The following ZBTB41 variants were observed in gnomAD, a reference collection of about 807,000 sequenced individuals.
The protein encoded by ZBTB41 is zinc finger and BTB domain-containing protein 41.
A neutral mutation model predicts 87.6 loss-of-function variants in ZBTB41; 42 were observed. The ratio of observed to expected loss-of-function variants is 0.48; its 90% CI spans 0.37 to 0.62. The LOEUF (loss-of-function observed/expected upper bound fraction) is 0.62, where lower values mean the gene tolerates loss of function less well. Among genes scored for constraint, ZBTB41 ranks in the 20% least tolerant of loss-of-function variants. The pLI, the probability that ZBTB41 is intolerant of heterozygous loss-of-function variation, is 0.00. For missense variants in ZBTB41, 799 were observed against 1,078.9 expected, an observed-to-expected ratio of 0.74 and a Z score of 3.63; for synonymous variants, 364 against 364.0, an observed-to-expected ratio of 1.00 and a Z score of 0.00.
intron 5 of ZBTB41, among the ~76,000 whole-genome samples, chr1:197,181,446 C>G (rs1659745967): frequency 6.6e-6 from 1 of 152,036 alleles, no homozygotes; most frequent in Non-Finnish European, 1.5e-5. Flanking sequence ...TAATAAAAAA[C>G]TTTGGAAGAA....
intron 4 of ZBTB41, among the ~76,000 whole-genome samples, chr1:197,188,808 A>C (rs1422055856): frequency 6.6e-6 from 1 of 152,220 alleles, no homozygotes; most frequent in Non-Finnish European, 1.5e-5. Context: ...TAAGAATCTG[A>C]ATAAGAAGTC....
rs1659739941 is a variant in ZBTB41, at chr1:197,181,213, T to C, written c.1547-96A>G. ...TGCTGTAAGTTCATGCCTATCCTAT[T>C]GGTGCATATGTCATAATACACTGCA... On this transcript the variant is annotated intron_variant, in intron 5 of 10. Coordinates refer to ENST00000367405, the MANE Select transcript of ZBTB41 (RefSeq NM_194314.3). 3.6e-6 allele frequency: 4 copies of C among 1,115,200 alleles called. No individual in the cohort carries two copies. In the South Asian group the frequency reaches 5.0e-5, roughly 14 times the overall value. The allele number at this position is 1,115,200 out of a possible 1,614,324, so 69.1% of individuals were successfully genotyped here.
chr1:197,188,588 T>A, intron 4 of ZBTB41, 149 bp from the exon 5 acceptor site: 1 of 788,302 alleles, frequency 1.3e-6, no homozygotes, highest in Non-Finnish European at 1.9e-6. Context: ...ATTCTAATTG[T>A]GCAGAAAAAA....
rs530633327 is a variant in ZBTB41 at position 197,197,651 on chromosome 1, C to T, written c.1120+1703G>A. On this transcript the variant is annotated intron_variant, in intron 2 of 10. Transcript: ENST00000367405. Reference sequence around the variant, plus strand: ...CCTCTTAGTAAATCAGCACCTCAATCTTGAGCAGTATTTTCCCAAATTGTG... The same window carrying T: ...CCTCTTAGTAAATCAGCACCTCAATTTTGAGCAGTATTTTCCCAAATTGTG... Among the ~76,000 whole-genome samples, 48 of 152,046 alleles carry T rather than the reference C, an allele frequency of 3.2e-4. No homozygotes were observed. In the South Asian group the frequency reaches 3.9e-3, roughly 13 times the overall value.
Position 197,159,955 on chromosome 1 carries a change from T to C in ZBTB41, c.2134A>G (p.Thr712Ala). Residue 712 changes from threonine (T) to alanine (A), a missense_variant, in exon 11 of 11, where the codon ACA (threonine) becomes GCA (alanine). This residue lies in a region of ZBTB41 where 198 missense variants were observed against 358.4 expected (regional missense o/e 0.55). Transcript: ENST00000367405. ...TCAGAATGAATAACCAGGTGTTTTGTTAATGTTTTCTTAATTCTAAAAGAC... is the reference window on the plus strand; with the variant it reads ...TCAGAATGAATAACCAGGTGTTTTGCTAATGTTTTCTTAATTCTAAAAGAC... Reference protein sequence around the residue: ...NQSFRIKKTLTKHLVIHSDAR... With the variant: ...NQSFRIKKTLAKHLVIHSDAR... 1.2e-6 allele frequency: 2 copies of C among 1,613,748 alleles called. No homozygotes were observed. The highest frequency in any genetic ancestry group is 1.7e-6 in the Non-Finnish European group (2 of 1,179,774).
chr1:197,164,774 A>ATTAT lies in ZBTB41; in HGVS notation c.2075-4761_2075-4760insATAA, dbSNP rs1242569582. Among the ~76,000 whole-genome samples the ATTAT allele has an allele frequency of 1.5e-3, 54 of 37,088 alleles. 14 individuals are homozygous for ATTAT. The highest frequency in any genetic ancestry group is 2.5e-3 in the Non-Finnish European group (46 of 18,170). 24.3% of individuals were successfully genotyped at this position (37,088 alleles called of 152,430 possible). On this transcript the variant is annotated intron_variant, in intron 10 of 10. Coordinates refer to ENST00000367405, the MANE Select transcript of ZBTB41 (RefSeq NM_194314.3). ...TATATATTATATATAATACATATCT[A>ATTAT]ATATATTATATATAATACATATATA...
At chr1:197,161,037 G>A (rs533155773) in intron 10 of ZBTB41, among the ~76,000 whole-genome samples, 2 of 152,220 alleles carry the variant, frequency 1.3e-5, no homozygotes, top group South Asian at 4.1e-4. Context: ...CTCAGTCCTG[G>A]TCCTACAACT....
chr1:197,199,926 T>A lies in ZBTB41; in HGVS notation c.548A>T (p.His183Leu), dbSNP rs774527840. 1 of 1,612,676 alleles carries A rather than the reference T, an allele frequency of 6.2e-7. No individual in the cohort carries two copies. Among genetic ancestry groups the A allele is most frequent in the South Asian group, 1.1e-5 (1 of 90,788 alleles). The change falls in exon 2 of 11, where the codon CAT becomes CTT. Residue 183 changes from histidine (H) to leucine (L), a missense_variant. His to Leu is a moderately conservative substitution (Grantham distance 99). Coordinates refer to ENST00000367405, the MANE Select transcript of ZBTB41 (RefSeq NM_194314.3). ...LLNNENVAPF[H>L]SELTEKSSPE... ...TGATGACTTTTCAGTTAGCTCTGAA[T>A]GAAAAGGGGCAACATTTTCGTTATT...
intron 7 of ZBTB41, among the ~76,000 whole-genome samples, 151 bp downstream of exon 7, chr1:197,178,263 TAAA>T (rs199604755): frequency 1.3e-5 from 2 of 149,190 alleles, no homozygotes; most frequent in Non-Finnish European, 3.0e-5. Context: ...AAATGTTTAG[TAAA>T]AAAAAAATCT....
chr1:197,181,207 T>A lies in ZBTB41; in HGVS notation c.1547-90A>T, dbSNP rs1659739757. On this transcript the variant is annotated intron_variant, in intron 5 of 10. Coordinates refer to ENST00000367405, the MANE Select transcript of ZBTB41 (RefSeq NM_194314.3). ...TAGGTATGCTGTAAGTTCATGCCTA[T>A]CCTATTGGTGCATATGTCATAATAC... is the stretch of plus-strand genomic sequence containing the variant. 3.3e-6 allele frequency: 4 copies of A among 1,221,754 alleles called. No homozygotes were observed. The Admixed American group carries it at 1.2e-4, about 36-fold the overall frequency. The allele number at this position is 1,221,754 out of a possible 1,614,324, so 75.7% of individuals were successfully genotyped here.
Position 197,191,860 on chromosome 1 carries a change from T to C in ZBTB41, c.1160A>G (p.Lys387Arg), listed in dbSNP as rs1367915926. The change falls in exon 3 of 11, where the codon AAG becomes AGG. Residue 387 changes from lysine to arginine, a missense_variant. Lys to Arg is a conservative substitution (Grantham distance 26). This residue lies in a region of ZBTB41 where 294 missense variants were observed against 340.1 expected (regional missense o/e 0.86). Transcript: ENST00000367405. ...GTGACAAATATCACACTCAAAGGGC[T>C]TCTCACCTGTGTGAACACGGGTGTG... Reference protein sequence around the residue: ...ESHTRVHTGEKPFECDICHQR... With the variant: ...ESHTRVHTGERPFECDICHQR... The C allele has an allele frequency of 1.9e-6, 3 of 1,613,540 alleles. 1 individual carries two copies. The South Asian group carries it at 3.3e-5, about 18-fold the overall frequency.
chr1:197,165,739 G>C (rs1659327563), intron 10 of ZBTB41, among the ~76,000 whole-genome samples: 1 of 151,932 alleles, frequency 6.6e-6, no homozygotes, highest in Admixed American at 6.6e-5. Context: ...AACAACTTAG[G>C]CATCCCCATA....
At chr1:197,191,589 A>G in intron 3 of ZBTB41, 103 bp downstream of exon 3, 1 of 898,022 alleles carries the variant, frequency 1.1e-6, no homozygotes, top group Non-Finnish European at 1.6e-6. Context: ...TGAATCTCCA[A>G]TGAAAGAATT....
intron 5 of ZBTB41, among the ~76,000 whole-genome samples, chr1:197,186,292 A>G (rs1659879696): frequency 6.8e-6 from 1 of 148,050 alleles, no homozygotes; most frequent in Admixed American, 6.8e-5. Flanking sequence ...AAAAAAAAAA[A>G]TACATCTAGA....
At chr1:197,173,226 C>A (rs1174277747) in intron 9 of ZBTB41, among the ~76,000 whole-genome samples, 1 of 152,128 alleles carries the variant, frequency 6.6e-6, no homozygotes, top group African/African-American at 2.4e-5. Context: ...TTGCTCTTAA[C>A]ATATCCATTG....
chr1:197,168,945 A>G (rs1557977026), intron 10 of ZBTB41, among the ~76,000 whole-genome samples: 1 of 152,076 alleles, frequency 6.6e-6, no homozygotes, highest in Non-Finnish European at 1.5e-5. Context: ...GTATTACACA[A>G]AAGTAGATAT....
At chr1:197,186,334 T>C (rs902225333) in intron 5 of ZBTB41, among the ~76,000 whole-genome samples, 1 of 150,028 alleles carries the variant, frequency 6.7e-6, no homozygotes, top group African/African-American at 2.4e-5. Context: ...AAAAGTGAAC[T>C]CAAAATGAAT....
At position 197,199,683 on chromosome 1, in the gene ZBTB41, T is replaced by C; in HGVS notation, c.791A>G (p.Asp264Gly). 1.2e-6 allele frequency: 2 copies of C among 1,613,626 alleles called. No individual in the cohort carries two copies. The highest frequency in any genetic ancestry group is 1.7e-6 in the Non-Finnish European group (2 of 1,179,944). Reference sequence around the variant, plus strand: ...TTCCTGTTCATCATCGCTGGTGTCATCAAACTTAACAGGGCACTTCCGATT... The same window carrying C: ...TTCCTGTTCATCATCGCTGGTGTCACCAAACTTAACAGGGCACTTCCGATT... ...KRNRKCPVKFDDTSDDEQESG... is the reference protein window; with the variant it reads ...KRNRKCPVKFGDTSDDEQESG... The change falls in exon 2 of 11, where the codon GAT (aspartate) becomes GGT (glycine). Residue 264 changes from aspartate to glycine, a missense_variant. By Grantham distance (94) the Asp-to-Gly change is moderately conservative. Coordinates refer to ENST00000367405, the MANE Select transcript of ZBTB41 (RefSeq NM_194314.3).
At chr1:197,167,424 G>C (rs1659374901) in intron 10 of ZBTB41, among the ~76,000 whole-genome samples, 1 of 151,980 alleles carries the variant, frequency 6.6e-6, no homozygotes, top group Non-Finnish European at 1.5e-5. Flanking sequence ...TGAACTCCTG[G>C]GCTCAAGCAA....
Sources: allele counts gnomAD v4.1 joint callset (sites outside exome capture counted in the v4.1 genomes callset), GRCh38; gene constraint gnomAD v4.1.1; regional missense constraint gnomAD v4.1.1; transcripts MANE v1.5; gene names NCBI Gene and HGNC (gene_info 2026-07-23, HGNC 2026-07-21).